Variants in LRRC18 observed in about 807,000 individuals in gnomAD.
The protein encoded by LRRC18 is leucine-rich repeat-containing protein 18.
In LRRC18, 12 loss-of-function variants were observed where a neutral mutation model predicts 11.2. The ratio of observed to expected loss-of-function variants is 1.07; its 90% confidence interval spans 0.69 to 1.74. The LOEUF is 1.74. Among genes scored for constraint, LRRC18 ranks in the 40% most tolerant of loss-of-function variants. The probability of loss-of-function intolerance (pLI) is 0.00; values close to 1 mark genes in which losing one functional copy is unlikely to be tolerated. For synonymous variants in LRRC18, 155 were observed against 130.6 expected, an observed-to-expected ratio of 1.19 and a Z score of -1.27; for missense variants, 374 against 330.5, an observed-to-expected ratio of 1.13 and a Z score of -1.02.
chr10:48,939,095 T>A, the LRRC18 span, among the ~76,000 whole-genome samples: 131 of 152,290 alleles, frequency 8.6e-4, no homozygotes, highest in African/African-American at 3.1e-3. Context: ...TTGTGTCCAC[T>A]GGGCTGACTG....
At chr10:48,919,498 G>A in the LRRC18 span, among the ~76,000 whole-genome samples, 2 of 152,142 alleles carry the variant, frequency 1.3e-5, no homozygotes, top group African/African-American at 4.8e-5. Flanking sequence ...CTATAACAAA[G>A]TACCATAGAC....
chr10:48,917,428 A>G (rs1328363206), upstream of LRRC18, among the ~76,000 whole-genome samples: 1 of 152,206 alleles, frequency 6.6e-6, no homozygotes, highest in Non-Finnish European at 1.5e-5. Context: ...AACAAGATAA[A>G]TAAAGAAATT....
At chr10:48,916,627 C>CG (rs1471999403), upstream of LRRC18, among the ~76,000 whole-genome samples, 1 of 152,114 alleles carries the variant, frequency 6.6e-6, no homozygotes, top group Non-Finnish European at 1.5e-5. Context: ...ACCAAAAAGT[C>CG]GGGGGAGAAG....
the LRRC18 span, among the ~76,000 whole-genome samples, chr10:48,931,096 AAC>A: frequency 2.6e-3 from 392 of 150,348 alleles, 1 homozygote; most frequent in African/African-American, 9.2e-3. Context: ...CTCACACTCA[AAC>A]ACACACACAC....
At position 48,911,644 on chromosome 10, in the gene LRRC18, G is replaced by A. The variant is rs75573783; in HGVS notation, c.765-1386C>T. The stretch of plus-strand genomic sequence containing the variant: ...TTTCAAAGCAGGACAGAAATGACAG[G>A]AATGCTATAATTTTAACTATGTATA... On this transcript the variant is annotated intron_variant, in intron 1 of 1. Coordinates refer to ENST00000374160, the Ensembl canonical transcript of LRRC18. Among the ~76,000 whole-genome samples, 155 of 152,224 alleles carry A rather than the reference G, an allele frequency of 1.0e-3. 5 individuals carry two copies. The East Asian group carries it at 0.026, about 26-fold the overall frequency.
At chr10:48,916,409 G>T (rs1049933383), upstream of LRRC18, among the ~76,000 whole-genome samples, 3 of 152,144 alleles carry the variant, frequency 2.0e-5, no homozygotes, top group African/African-American at 7.2e-5. Context: ...CTTCTCTCCT[G>T]TCTCATCCCA....
At chr10:48,926,404 AC>A in the LRRC18 span, among the ~76,000 whole-genome samples, 1 of 152,054 alleles carries the variant, frequency 6.6e-6, no homozygotes, top group African/African-American at 2.4e-5. Flanking sequence ...CTGCAATGTC[AC>A]CCCCTAGAGA....
At chr10:48,923,937 C>G in the LRRC18 span, among the ~76,000 whole-genome samples, 1 of 152,174 alleles carries the variant, frequency 6.6e-6, no homozygotes, top group Non-Finnish European at 1.5e-5. Context: ...CCCAGCTGTG[C>G]CGGTTGCCCA....
rs926351386 is a variant in LRRC18, at chr10:48,909,998, A to T, written c.*239T>A. The T allele has an allele frequency of 5.6e-6, 3 of 538,138 alleles. No homozygotes were observed. The African/African-American group carries it at 5.7e-5, about 10-fold the overall frequency. The allele number at this position is 538,138 out of a possible 1,614,324, so 33.3% of individuals were successfully genotyped here. A position where few individuals can be genotyped will look rare whatever the true frequency, so the allele number is the denominator to read the frequency against. ...CTGTAATTTTCTTAAATTTTTTTCTATATACATTTTAAAAACCACATCAAA... is the reference window on the plus strand; with the variant it reads ...CTGTAATTTTCTTAAATTTTTTTCTTTATACATTTTAAAAACCACATCAAA... On this transcript the variant is annotated 3_prime_UTR_variant, in exon 2 of 2. Transcript: ENST00000374160.
the LRRC18 span, among the ~76,000 whole-genome samples, chr10:48,934,542 A>G: frequency 1.3e-5 from 2 of 152,218 alleles, no homozygotes; most frequent in South Asian, 2.1e-4. Flanking sequence ...TGTGTGTCCC[A>G]TGAAGAATCC....
chr10:48,915,201 T>C (rs11101562), upstream of LRRC18, among the ~76,000 whole-genome samples: 9,126 of 152,272 alleles, frequency 0.06, 361 homozygotes, highest in East Asian at 0.19. Flanking sequence ...CAGTGCCTGG[T>C]ACATAGTAAT....
At chr10:48,931,203 G>T in the LRRC18 span, among the ~76,000 whole-genome samples, 2 of 152,126 alleles carry the variant, frequency 1.3e-5, no homozygotes, top group Admixed American at 6.5e-5. Context: ...TTTGCCTTTG[G>T]CAGTTGCAGA....
the LRRC18 span, among the ~76,000 whole-genome samples, chr10:48,937,700 A>G: frequency 6.6e-6 from 1 of 152,216 alleles, no homozygotes; most frequent in African/African-American, 2.4e-5. Context: ...GGGAAATGAA[A>G]AGCGATAGGT....
chr10:48,922,029 T>A, the LRRC18 span, among the ~76,000 whole-genome samples: 1 of 152,240 alleles, frequency 6.6e-6, no homozygotes, highest in Non-Finnish European at 1.5e-5. Flanking sequence ...TATTTATAGC[T>A]GCTCTATTCA....
the LRRC18 span, among the ~76,000 whole-genome samples, chr10:48,923,642 C>T: frequency 6.6e-6 from 1 of 151,742 alleles, no homozygotes; most frequent in African/African-American, 2.4e-5. Context: ...TTTGTTCATT[C>T]ACTGTATGAG....
the LRRC18 span, among the ~76,000 whole-genome samples, chr10:48,928,394 G>GTT: frequency 6.7e-6 from 1 of 149,508 alleles, no homozygotes; most frequent in Non-Finnish European, 1.5e-5. Flanking sequence ...GTGTGTGTGT[G>GTT]TGTTGGTGGG....
chr10:48,934,047 G>A, the LRRC18 span, among the ~76,000 whole-genome samples: 1 of 152,104 alleles, frequency 6.6e-6, no homozygotes, highest in Non-Finnish European at 1.5e-5. Context: ...CTCCCTGGAG[G>A]CTGAGGCTCA....
intron 1 of LRRC18, among the ~76,000 whole-genome samples, chr10:48,911,580 T>G (rs970940341): frequency 2.6e-5 from 4 of 152,232 alleles, no homozygotes; most frequent in Non-Finnish European, 4.4e-5. Context: ...CTTGCAGATG[T>G]TTTAAAGTGT....
At chr10:48,913,869 G>C in exon 1 of LRRC18, 1 of 1,614,120 alleles carries the variant, frequency 6.2e-7, no homozygotes, top group South Asian at 1.1e-5. Flanking sequence ...GAGCAGGCTG[G>C]TCATCTGGCC....
Sources: gnomAD v4.1 joint callset for allele counts (sites outside exome capture counted in the v4.1 genomes callset) on GRCh38, gnomAD v4.1.1 for gene constraint, MANE v1.5 for transcripts, NCBI Gene and HGNC (gene_info 2026-07-23, HGNC 2026-07-21) for gene names.